The following ANKRD55 variants were observed in gnomAD, a reference collection of about 807,000 sequenced individuals.
ANKRD55 encodes ankyrin repeat domain 55.
In ANKRD55, 41 loss-of-function variants were observed where a neutral mutation model predicts 60.6. The observed-to-expected ratio is 0.68, with a 90% CI of 0.53 to 0.88. The LOEUF (loss-of-function observed/expected upper bound fraction) is 0.88, where lower values mean the gene tolerates loss of function less well. Among genes scored for constraint, ANKRD55 ranks in the 40% least tolerant of loss-of-function variants. ANKRD55 has a pLI of 0.00. For missense variants in ANKRD55, 732 were observed against 767.6 expected, an observed-to-expected ratio of 0.95 and a Z score of 0.55; for synonymous variants, 264 against 290.3, an observed-to-expected ratio of 0.91 and a Z score of 0.92.
chr5:56,185,998 C>A (rs1257989717), intron 2 of ANKRD55, among the ~76,000 whole-genome samples: 1 of 152,206 alleles, frequency 6.6e-6, no homozygotes, highest in African/African-American at 2.4e-5. Context: ...GACTCACTTG[C>A]ACATTTGCCT....
At chr5:56,231,137 A>T (rs1360333170) in intron 2 of ANKRD55, among the ~76,000 whole-genome samples, 1 of 152,224 alleles carries the variant, frequency 6.6e-6, no homozygotes, top group East Asian at 1.9e-4. Context: ...TATAAGATTT[A>T]AAATCCCATG....
chr5:56,186,229 G>A (rs1382272008), intron 2 of ANKRD55, among the ~76,000 whole-genome samples: 4 of 152,116 alleles, frequency 2.6e-5, no homozygotes, highest in Non-Finnish European at 4.4e-5. Flanking sequence ...GTGCAGTGGC[G>A]TGATCTTGGC....
At chr5:56,109,009 C>G (rs1756582501) in intron 10 of ANKRD55, among the ~76,000 whole-genome samples, 1 of 150,818 alleles carries the variant, frequency 6.6e-6, no homozygotes, top group Non-Finnish European at 1.5e-5. Context: ...TACACTCCAG[C>G]CTGGGTGACA....
In ANKRD55 at chr5:56,114,015, T is replaced by C. The variant is rs548910804; in HGVS notation, c.966-2233A>G. Among the ~76,000 whole-genome samples the C allele has an allele frequency of 4.8e-3, 639 of 132,116 alleles. 7 individuals carry two copies. The highest frequency in any genetic ancestry group is 0.016 in the African/African-American group (555 of 35,164). The allele number at this position is 132,116 out of a possible 152,430, so 86.7% of individuals were successfully genotyped here. On this transcript the variant is annotated intron_variant, in intron 9 of 11. Transcript: ENST00000341048. ...ATATATATATATATATATATATATA[T>C]ACAATAAAAATATATTAAAATGAAT... is the stretch of plus-strand genomic sequence containing the variant.
chr5:56,135,253 TCCTTCCTTCTTTCCC>T lies in ANKRD55; in HGVS notation c.613-8162_613-8148del, dbSNP rs1561263741. Among the ~76,000 whole-genome samples, 285 of 134,906 alleles carry T rather than the reference TCCTTCCTTCTTTCCC, an allele frequency of 2.1e-3. 10 individuals are homozygous for T. The highest frequency in any genetic ancestry group is 5.4e-3 in the African/African-American group (184 of 34,052). The allele number at this position is 134,906 out of a possible 152,430, so 88.5% of individuals were successfully genotyped here. ...TTCCTTCCTTCCTTCCTTCCTTCCT[TCCTTCCTTCTTTCCC>T]TCCCTCCCTCCCTGCCTGCCTGCTT... On this transcript the variant is annotated intron_variant, in intron 7 of 11. Transcript: ENST00000341048.
intron 8 of ANKRD55, among the ~76,000 whole-genome samples, chr5:56,121,728 C>A (rs904975045): frequency 2.0e-5 from 3 of 152,088 alleles, no homozygotes; most frequent in South Asian, 2.1e-4. Flanking sequence ...GGAATGGGAG[C>A]CTTTCACTCA....
intron 5 of ANKRD55, among the ~76,000 whole-genome samples, chr5:56,167,366 A>G (rs1758508027): frequency 6.6e-6 from 1 of 152,244 alleles, no homozygotes; most frequent in South Asian, 2.1e-4. Context: ...CTAAACATAG[A>G]AAAGGTACAG....
At chr5:56,166,157 CT>C (rs1561277892) in intron 5 of ANKRD55, among the ~76,000 whole-genome samples, 264 of 17,418 alleles carry the variant, frequency 0.015, 10 homozygotes, top group African/African-American at 0.03. Flanking sequence ...TTTCTTTCTT[CT>C]TTCCTTCCTT....
chr5:56,232,860 T>C lies in ANKRD55; in HGVS notation c.54A>G (p.Gln18=). ...DFSTPSVFDQ[Q]RGDSSEEVDL... ...TGTGTTAAAGCAGCATTTTACCTCTTTGCTGATCAAACACAGAAGGGGTGC... is the reference window on the plus strand; with the variant it reads ...TGTGTTAAAGCAGCATTTTACCTCTCTGCTGATCAAACACAGAAGGGGTGC... Residue 18 remains glutamine (Q), a synonymous_variant, in exon 2 of 12, where the codon CAA becomes CAG. Coordinates refer to ENST00000341048, the MANE Select transcript of ANKRD55 (RefSeq NM_024669.3). The C allele has an allele frequency of 6.2e-7, 1 of 1,614,082 alleles. No homozygotes were observed. Among genetic ancestry groups the C allele is most frequent in the Non-Finnish European group, 8.5e-7 (1 of 1,179,976 alleles).
chr5:56,220,481 G>T lies in ANKRD55; in HGVS notation c.58+12375C>A, dbSNP rs192065248. Among the ~76,000 whole-genome samples the T allele has an allele frequency of 9.4e-4, 142 of 151,856 alleles. 3 individuals carry two copies. The Middle Eastern group carries it at 0.027, about 29-fold the overall frequency. On this transcript the variant is annotated intron_variant, in intron 2 of 11. Transcript: ENST00000341048. The stretch of plus-strand genomic sequence containing the variant: ...AAGAAGGGGGCAGAGAAAGGTGGGG[G>T]TCAAACACACTTACTTAGACTTATT...
Position 56,180,643 on chromosome 5 carries a change from T to A in ANKRD55, c.181+2869A>T, listed in dbSNP as rs75072026. Among the ~76,000 whole-genome samples, 930 of 152,368 alleles carry A rather than the reference T, an allele frequency of 6.1e-3. 10 individuals carry two copies. Among genetic ancestry groups the A allele is most frequent in the African/African-American group, 0.022 (895 of 41,586 alleles). ...TTATTTAATTAGCACTTTATAGTTT[T>A]CAACATACAAGTTCTGTACATATTT... On this transcript the variant is annotated intron_variant, in intron 3 of 11. Transcript: ENST00000341048.
chr5:56,182,582 CTG>C (rs1758874003), intron 3 of ANKRD55, among the ~76,000 whole-genome samples: 1 of 152,042 alleles, frequency 6.6e-6, no homozygotes, highest in African/African-American at 2.4e-5. Context: ...TCATTGGCAT[CTG>C]TTGATTATTT....
intron 2 of ANKRD55, among the ~76,000 whole-genome samples, chr5:56,201,342 C>T (rs1417228878): frequency 1.3e-5 from 2 of 152,194 alleles, no homozygotes; most frequent in African/African-American, 4.8e-5. Context: ...TGGACCTTCA[C>T]CTGGGCCCTG....
chr5:56,135,065 ACT>A (rs1368674749), intron 7 of ANKRD55, among the ~76,000 whole-genome samples: 2 of 152,186 alleles, frequency 1.3e-5, no homozygotes, highest in Non-Finnish European at 2.9e-5. Context: ...CATAATAAAA[ACT>A]CTCAGTAAAC....
intron 4 of ANKRD55, among the ~76,000 whole-genome samples, 162 bp from the exon 5 acceptor site, chr5:56,170,965 C>A (rs1354655380): frequency 2.0e-5 from 3 of 152,204 alleles, no homozygotes; most frequent in Non-Finnish European, 2.9e-5. Context: ...GATGCCTCAA[C>A]AGATGGCCGA....
chr5:56,209,757 G>A (rs144338883), intron 2 of ANKRD55, among the ~76,000 whole-genome samples: 16 of 152,302 alleles, frequency 1.1e-4, no homozygotes, highest in East Asian at 9.6e-4. Context: ...GAGCCACCGC[G>A]CCCGGCTACA....
chr5:56,166,106 C>CT, intron 5 of ANKRD55, among the ~76,000 whole-genome samples: 1 of 54,478 alleles, frequency 1.8e-5, no homozygotes, highest in South Asian at 6.6e-4. Context: ...TTCTTTCTTT[C>CT]TTTCTTTCTT....
intron 2 of ANKRD55, among the ~76,000 whole-genome samples, chr5:56,186,742 C>T (rs1377092571): frequency 1.3e-5 from 2 of 152,110 alleles, no homozygotes; most frequent in Admixed American, 6.5e-5. Context: ...GAACATTAGT[C>T]CCCATTAGGA....
intron 2 of ANKRD55, among the ~76,000 whole-genome samples, chr5:56,200,503 G>A (rs138558780): frequency 1.7e-4 from 26 of 152,210 alleles, no homozygotes; most frequent in African/African-American, 6.3e-4. Context: ...TGTCAGACAC[G>A]TAATAGGCTA....
Sources: allele counts gnomAD v4.1 joint callset (sites outside exome capture counted in the v4.1 genomes callset), GRCh38; gene constraint gnomAD v4.1.1; transcripts MANE v1.5; gene names NCBI Gene and HGNC (gene_info 2026-07-23, HGNC 2026-07-21).